PCDHA1: variants seen among roughly 807,000 people sequenced by gnomAD.
PCDHA1 encodes protocadherin alpha-1.
PCDHA1 carries 42 observed loss-of-function variants against 61.3 expected under a neutral mutation model. The observed-to-expected ratio is 0.69, with a 90% CI of 0.54 to 0.89. The LOEUF is 0.89. Ranked by LOEUF, PCDHA1 falls within the 40% of genes least tolerant of loss-of-function variation. PCDHA1 has a pLI of 0.00. For missense variants in PCDHA1, 1,256 were observed against 1,235.3 expected, an observed-to-expected ratio of 1.02 and a Z score of -0.25; for synonymous variants, 610 against 553.8, an observed-to-expected ratio of 1.10 and a Z score of -1.43.
chr5:140,792,703 G>A, intron 1 of PCDHA1, among the ~76,000 whole-genome samples: 1 of 152,186 alleles, frequency 6.6e-6, no homozygotes, highest in East Asian at 1.9e-4. Flanking sequence ...AGCAAGCCAT[G>A]TTTCCTGAAG....
At chr5:140,851,741 G>A in intron 1 of PCDHA1, 1 of 972,212 alleles carries the variant, frequency 1.0e-6, no homozygotes, top group Non-Finnish European at 1.2e-6. Context: ...TTGAAATTCA[G>A]AGTCTGTAAC....
intron 1 of PCDHA1, among the ~76,000 whole-genome samples, chr5:140,885,790 G>T (rs141648269): frequency 0.012 from 1,822 of 152,058 alleles, 11 homozygotes; most frequent in Non-Finnish European, 0.018. Context: ...TGAGCATATT[G>T]TCATATGTAT....
intron 1 of PCDHA1, chr5:140,966,281 G>C (rs1261464121): frequency 8.2e-5 from 30 of 366,710 alleles, no homozygotes; most frequent in Non-Finnish European, 1.3e-4. Flanking sequence ...TGGACAGTGG[G>C]GGTAGGGAGA....
intron 1 of PCDHA1, chr5:140,881,180 T>C: frequency 6.0e-6 from 1 of 167,460 alleles, no homozygotes; most frequent in Non-Finnish European, 1.2e-5. Context: ...TTTTCCTTGC[T>C]AAAGATATGT....
chr5:140,970,625 A>C (rs534910839), intron 1 of PCDHA1, among the ~76,000 whole-genome samples: 1 of 152,316 alleles, frequency 6.6e-6, no homozygotes, highest in Non-Finnish European at 1.5e-5. Context: ...CAAAAGCCAA[A>C]ATTTTGTACC....
At chr5:140,869,628 T>A (rs1562631338) in intron 1 of PCDHA1, 1 of 1,613,700 alleles carries the variant, frequency 6.2e-7, no homozygotes. Flanking sequence ...TAAGTAAAAA[T>A]GAGTATTTTT....
intron 2 of PCDHA1, 69 bp downstream of exon 2, chr5:140,979,076 C>G: frequency 6.3e-7 from 1 of 1,584,068 alleles, no homozygotes; most frequent in South Asian, 1.1e-5. Flanking sequence ...AACTGCATCT[C>G]CATAGGCCAG....
chr5:140,835,745 G>C (rs2150243893), intron 1 of PCDHA1: 2 of 1,613,472 alleles, frequency 1.2e-6, no homozygotes, highest in South Asian at 2.2e-5. Context: ...ACGCCCCGGC[G>C]TTCGCGCAGC....
At chr5:140,929,250 G>A (rs995042103) in intron 1 of PCDHA1, 2 of 1,613,420 alleles carry the variant, frequency 1.2e-6, no homozygotes, top group Admixed American at 1.7e-5. Flanking sequence ...TTGCCACTGG[G>A]GTAGGACTGA....
intron 1 of PCDHA1, chr5:140,828,250 G>A: frequency 3.1e-6 from 5 of 1,613,982 alleles, no homozygotes; most frequent in African/African-American, 1.3e-5. Flanking sequence ...AGGACCTGGG[G>A]CTGGAGCTGG....
At chr5:140,843,345 C>T (rs2150357960) in intron 1 of PCDHA1, 12 of 1,595,968 alleles carry the variant, frequency 7.5e-6, no homozygotes, top group African/African-American at 5.4e-5. Flanking sequence ...AGCGGCCAGG[C>T]TCCAAAAGCG....
chr5:140,937,195 G>A lies in PCDHA1; in HGVS notation c.2395-41754G>A, dbSNP rs371063672. On this transcript the variant is annotated intron_variant, in intron 1 of 3. Coordinates refer to ENST00000504120, the MANE Select transcript of PCDHA1 (RefSeq NM_018900.4). ...TGGGACTACAGGCGCCCGCCACCAT[G>A]CCCGGCTAATTTTTTGTATTTTTTG... Among the ~76,000 whole-genome samples the A allele has an allele frequency of 1.5e-3, 231 of 151,994 alleles. 5 individuals are homozygous for A. The South Asian group carries it at 0.033, about 22-fold the overall frequency.
At chr5:140,976,232 G>C (rs2096707189) in intron 1 of PCDHA1, among the ~76,000 whole-genome samples, 1 of 152,098 alleles carries the variant, frequency 6.6e-6, no homozygotes, top group Non-Finnish European at 1.5e-5. Flanking sequence ...AAAAATATAT[G>C]TCATTTCATG....
At chr5:140,974,240 A>G (rs1554235899) in intron 1 of PCDHA1, among the ~76,000 whole-genome samples, 1 of 152,188 alleles carries the variant, frequency 6.6e-6, no homozygotes, top group African/African-American at 2.4e-5. Context: ...CTTGGCATAT[A>G]AGCACCATCA....
intron 1 of PCDHA1, chr5:140,856,840 C>G: frequency 6.3e-7 from 1 of 1,591,894 alleles, no homozygotes; most frequent in Non-Finnish European, 8.6e-7. Flanking sequence ...TACGGCTCAA[C>G]GCTTCTGATT....
At chr5:140,900,712 A>G (rs1408382305) in intron 1 of PCDHA1, among the ~76,000 whole-genome samples, 2 of 152,234 alleles carry the variant, frequency 1.3e-5, no homozygotes, top group Non-Finnish European at 2.9e-5. Context: ...TTGGAAAGAA[A>G]GGAAATCCTA....
At chr5:140,841,948 C>T (rs1777604440) in intron 1 of PCDHA1, 1 of 1,613,804 alleles carries the variant, frequency 6.2e-7, no homozygotes, top group Non-Finnish European at 8.5e-7. Flanking sequence ...CTGCGCACCA[C>T]TTATTCCTGA....
chr5:140,899,717 C>T (rs2153464993), intron 1 of PCDHA1, among the ~76,000 whole-genome samples: 1 of 152,322 alleles, frequency 6.6e-6, no homozygotes, highest in South Asian at 2.1e-4. Context: ...GGAGGATTCC[C>T]TCTTTTTCTA....
intron 1 of PCDHA1, among the ~76,000 whole-genome samples, chr5:140,946,992 A>G (rs1393633852): frequency 6.6e-6 from 1 of 151,790 alleles, no homozygotes; most frequent in Non-Finnish European, 1.5e-5. Context: ...TGAGTGTTCT[A>G]ACTTCAAAGA....
Sources: allele counts gnomAD v4.1 joint callset (sites outside exome capture counted in the v4.1 genomes callset), GRCh38; gene constraint gnomAD v4.1.1; transcripts MANE v1.5; gene names NCBI Gene and HGNC (gene_info 2026-07-23, HGNC 2026-07-21).